The following RBPJ variants were observed in gnomAD, a reference collection of about 807,000 sequenced individuals.
RBPJ encodes the protein recombination signal binding protein for immunoglobulin kappa J region.
A neutral mutation model predicts 67.8 loss-of-function variants in RBPJ; 9 were observed. That is an observed-to-expected ratio of 0.13 (90% CI 0.08 to 0.23). The LOEUF (loss-of-function observed/expected upper bound fraction) is 0.23, where lower values mean the gene tolerates loss of function less well. Ranked by LOEUF, RBPJ falls within the 10% of genes least tolerant of loss-of-function variation. The pLI is 1.00. For synonymous variants in RBPJ, 198 were observed against 203.3 expected (o/e 0.97, Z 0.22); for missense variants, 305 against 595.6 (o/e 0.51, Z 5.08).
chr4:26,151,874 G>A, the RBPJ span, among the ~76,000 whole-genome samples: 21 of 152,288 alleles, frequency 1.4e-4, no homozygotes, highest in South Asian at 8.3e-4. Context: ...AAGGTGGGTC[G>A]GCAGCCAATT....
chr4:26,291,772 C>T (rs1207096733), intron 1 of RBPJ, among the ~76,000 whole-genome samples: 1 of 150,548 alleles, frequency 6.6e-6, no homozygotes, highest in African/African-American at 2.4e-5. Flanking sequence ...GACAGGGTTT[C>T]ACCATGTTGG....
At chr4:26,331,402 TC>T (rs1208069516) in intron 1 of RBPJ, among the ~76,000 whole-genome samples, 2 of 151,822 alleles carry the variant, frequency 1.3e-5, no homozygotes, top group East Asian at 1.9e-4. Flanking sequence ...TTTTTTTTTT[TC>T]CCATACCTTT....
chr4:26,343,555 GT>G (rs150586776), intron 1 of RBPJ, among the ~76,000 whole-genome samples: 8 of 146,438 alleles, frequency 5.5e-5, no homozygotes, highest in Admixed American at 6.8e-5. Flanking sequence ...TTTGTTTATT[GT>G]TTTTTTTTTG....
At chr4:26,159,950 A>T (rs371495996), upstream of RBPJ, among the ~76,000 whole-genome samples, 1 of 145,732 alleles carries the variant, frequency 6.9e-6, no homozygotes, top group Admixed American at 7.0e-5. Flanking sequence ...ACGGAGTCTC[A>T]CTCTATCGCC....
chr4:26,418,383 T>C (rs1353325259), intron 4 of RBPJ, among the ~76,000 whole-genome samples: 1 of 152,212 alleles, frequency 6.6e-6, no homozygotes, highest in Non-Finnish European at 1.5e-5. Flanking sequence ...TAGTTTGTGG[T>C]CAGTGGCCTT....
intron 1 of RBPJ, among the ~76,000 whole-genome samples, chr4:26,357,745 G>C (rs1235366348): frequency 6.6e-6 from 1 of 151,956 alleles, no homozygotes; most frequent in Non-Finnish European, 1.5e-5. Flanking sequence ...TTGCCCCCAG[G>C]TCCCTGGTAA....
intron 1 of RBPJ, among the ~76,000 whole-genome samples, chr4:26,304,362 G>C (rs941450877): frequency 5.3e-5 from 8 of 152,316 alleles, no homozygotes; most frequent in Middle Eastern, 3.4e-3. Flanking sequence ...TTACACCTAA[G>C]AGTAGAATTG....
At chr4:26,146,535 T>C in the RBPJ span, among the ~76,000 whole-genome samples, 14 of 152,212 alleles carry the variant, frequency 9.2e-5, no homozygotes, top group Non-Finnish European at 2.1e-4. Flanking sequence ...AAGAATACAT[T>C]GATCAGTAGG....
intron 1 of RBPJ, among the ~76,000 whole-genome samples, chr4:26,299,672 CTTTTTTTTTTTTTT>C (rs397879662): frequency 2.3e-5 from 2 of 85,292 alleles, no homozygotes; most frequent in East Asian, 6.9e-4. Flanking sequence ...AGACTGTGTG[CTTTTTTTTTTTTTT>C]TTTTTTTTTT....
At chr4:26,247,112 T>G (rs1262156456) in intron 1 of RBPJ, among the ~76,000 whole-genome samples, 1 of 152,054 alleles carries the variant, frequency 6.6e-6, no homozygotes, top group Non-Finnish European at 1.5e-5. Context: ...CACTTTATAG[T>G]ACTTTTTTGT....
intron 1 of RBPJ, among the ~76,000 whole-genome samples, chr4:26,263,108 T>G (rs1456652109): frequency 6.6e-6 from 1 of 152,226 alleles, no homozygotes; most frequent in African/African-American, 2.4e-5. Flanking sequence ...GATTGTACCC[T>G]ATGGCTCTCT....
At chr4:26,227,528 T>C (rs1262795812) in intron 1 of RBPJ, among the ~76,000 whole-genome samples, 1 of 152,174 alleles carries the variant, frequency 6.6e-6, no homozygotes, top group East Asian at 1.9e-4. Context: ...TGGGACTCTA[T>C]ATGAAGATCT....
At chr4:26,422,785 A>T (rs569886132) in intron 5 of RBPJ, among the ~76,000 whole-genome samples, 1 of 152,262 alleles carries the variant, frequency 6.6e-6, no homozygotes, top group African/African-American at 2.4e-5. Context: ...TTAACATTCA[A>T]CCAATCTTAT....
intron 1 of RBPJ, among the ~76,000 whole-genome samples, chr4:26,217,951 C>G (rs1390893812): frequency 6.6e-6 from 1 of 152,128 alleles, no homozygotes; most frequent in Non-Finnish European, 1.5e-5. Context: ...GCTCTGCGCT[C>G]AAAGGTTTTG....
At chr4:26,387,107 T>G (rs1218099562) in intron 2 of RBPJ, among the ~76,000 whole-genome samples, 1 of 152,220 alleles carries the variant, frequency 6.6e-6, no homozygotes, top group African/African-American at 2.4e-5. Flanking sequence ...TAACAGTACA[T>G]CTTCTACCTT....
At chr4:26,374,787 CAT>C (rs1729538586) in intron 1 of RBPJ, among the ~76,000 whole-genome samples, 2 of 152,172 alleles carry the variant, frequency 1.3e-5, no homozygotes, top group Non-Finnish European at 1.5e-5. Flanking sequence ...CTTTTCACAA[CAT>C]AGTGTCCATA....
intron 3 of RBPJ, 45 bp downstream of exon 3, chr4:26,406,315 G>T: frequency 3.2e-6 from 4 of 1,253,832 alleles, no homozygotes; most frequent in South Asian, 1.2e-5. Context: ...GTTACCACAT[G>T]AATTTGCCAA....
At chr4:26,113,628 A>G in the RBPJ span, 1 of 343,132 alleles carries the variant, frequency 2.9e-6, no homozygotes, top group South Asian at 3.1e-5. Context: ...TTCACTGTCC[A>G]TCAGGGAACA....
chr4:26,308,232 G>T (rs1333264382), intron 1 of RBPJ, among the ~76,000 whole-genome samples: 4 of 152,010 alleles, frequency 2.6e-5, no homozygotes, highest in African/African-American at 9.7e-5. Context: ...GCCGAGATCG[G>T]GCCACTGCCC....
Sources: allele counts gnomAD v4.1 joint callset (sites outside exome capture counted in the v4.1 genomes callset), GRCh38; gene constraint gnomAD v4.1.1; transcripts MANE v1.5; gene names NCBI Gene and HGNC (gene_info 2026-07-23, HGNC 2026-07-21).